The following WBP2NL variants were observed in gnomAD, a reference collection of about 807,000 sequenced individuals.
WBP2NL encodes postacrosomal sheath WW domain-binding protein.
WBP2NL carries 27 observed loss-of-function variants against 23.3 expected under a neutral mutation model. That is an observed-to-expected ratio of 1.16 (90% CI 0.85 to 1.60). The LOEUF is 1.60. WBP2NL is among the 40% of genes most tolerant of loss of function. The probability of loss-of-function intolerance (pLI) is 0.00; values close to 1 mark genes in which losing one functional copy is unlikely to be tolerated. For missense variants in WBP2NL, 370 were observed against 389.5 expected, an observed-to-expected ratio of 0.95 and a Z score of 0.42; for synonymous variants, 151 against 145.9, an observed-to-expected ratio of 1.03 and a Z score of -0.25.
At chr22:42,001,930 G>C in intron 1 of WBP2NL, 1 of 1,443,784 alleles carries the variant, frequency 6.9e-7, no homozygotes, top group Non-Finnish European at 9.2e-7. Flanking sequence ...CCACCTGCCA[G>C]GGAGTCCTTG....
At position 42,019,297 on chromosome 22, in the gene WBP2NL, C is replaced by G. The variant is rs1301629021; in HGVS notation, c.63-14C>G. The G allele has an allele frequency of 6.2e-7, 1 of 1,606,578 alleles. No homozygotes were observed. Among genetic ancestry groups the G allele is most frequent in the Admixed American group, 1.7e-5 (1 of 58,454 alleles). ...ATTCTTTATTGTGTGCCGTCTGTTCCTCATTTTCTACAGTCTCTTGAAGCG... is the reference window on the plus strand; with the variant it reads ...ATTCTTTATTGTGTGCCGTCTGTTCGTCATTTTCTACAGTCTCTTGAAGCG... On this transcript the variant is annotated splice_polypyrimidine_tract_variant and intron_variant, in intron 1 of 5. Coordinates refer to ENST00000328823, the MANE Select transcript of WBP2NL (RefSeq NM_152613.3).
intron 8 of WBP2NL, among the ~76,000 whole-genome samples, chr22:42,038,196 T>C (rs1177134018): frequency 6.6e-6 from 1 of 152,258 alleles, no homozygotes; most frequent in East Asian, 1.9e-4. Flanking sequence ...GGATGTTGAC[T>C]TTTGTCAAAT....
rs866661712 is a variant in WBP2NL, at chr22:42,055,390, A to T, written c.*274-2900A>T. Reference sequence around the variant, plus strand: ...GGGTTTCACCATGTTGGTCAGGCTGATCTGGAACTCCCGACCTCAGGTGAT... The same window carrying T: ...GGGTTTCACCATGTTGGTCAGGCTGTTCTGGAACTCCCGACCTCAGGTGAT... On this transcript the variant is annotated intron_variant and NMD_transcript_variant, in intron 8 of 8. Coordinates refer to the WBP2NL transcript ENST00000436265. Among the ~76,000 whole-genome samples the T allele has an allele frequency of 3.9e-5, 6 of 152,082 alleles. No homozygotes were observed. The South Asian group carries it at 6.2e-4, about 16-fold the overall frequency.
chr22:42,037,115 G>A (rs1421560248), downstream of WBP2NL, among the ~76,000 whole-genome samples: 1 of 141,962 alleles, frequency 7.0e-6, no homozygotes, highest in Non-Finnish European at 1.5e-5. Flanking sequence ...TATGAGATGG[G>A]GTCAGATTTC....
intron 1 of WBP2NL, 147 bp downstream of exon 1, chr22:41,999,027 C>T: frequency 4.2e-6 from 4 of 946,126 alleles, no homozygotes; most frequent in Non-Finnish European, 5.9e-6. Context: ...TTTGGGAGCG[C>T]GCGCCCCTCA....
intron 8 of WBP2NL, among the ~76,000 whole-genome samples, chr22:42,057,903 T>TA (rs1926144358): frequency 2.4e-4 from 5 of 20,434 alleles, no homozygotes; most frequent in Admixed American, 1.8e-3. Flanking sequence ...ATATATATAT[T>TA]TTTTTTTTTT....
intron 8 of WBP2NL, among the ~76,000 whole-genome samples, chr22:42,052,809 C>T (rs1003530906): frequency 2.0e-5 from 3 of 152,204 alleles, no homozygotes; most frequent in Admixed American, 6.5e-5. Flanking sequence ...TCCCAGCCTC[C>T]CTGTCTCTCA....
chr22:42,013,941 C>A (rs1397651164), intron 1 of WBP2NL, among the ~76,000 whole-genome samples: 1 of 152,102 alleles, frequency 6.6e-6, no homozygotes, highest in African/African-American at 2.4e-5. Flanking sequence ...CCACCCACGC[C>A]TGGCTATTTT....
intron 1 of WBP2NL, among the ~76,000 whole-genome samples, chr22:42,015,411 T>C (rs1322241141): frequency 1.3e-5 from 2 of 148,696 alleles, no homozygotes; most frequent in Non-Finnish European, 3.0e-5. Flanking sequence ...CATCATTTCC[T>C]TTTTTTTTTG....
At chr22:42,004,339 A>G (rs1796939103) in intron 1 of WBP2NL, among the ~76,000 whole-genome samples, 1 of 152,048 alleles carries the variant, frequency 6.6e-6, no homozygotes, top group African/African-American at 2.4e-5. Flanking sequence ...GATGCCTGTA[A>G]TCCCAGAACT....
intron 1 of WBP2NL, among the ~76,000 whole-genome samples, chr22:42,017,211 G>A (rs376284404): frequency 6.6e-6 from 1 of 152,132 alleles, no homozygotes; most frequent in East Asian, 1.9e-4. Context: ...GTGCCCCATG[G>A]CTCAAGCAAT....
At chr22:42,050,475 G>A (rs1024616578) in intron 8 of WBP2NL, among the ~76,000 whole-genome samples, 10 of 151,876 alleles carry the variant, frequency 6.6e-5, no homozygotes, top group African/African-American at 1.5e-4. Flanking sequence ...ACAAAACCCC[G>A]TCTCTACTAA....
At chr22:42,012,035 C>G (rs1008370065) in intron 1 of WBP2NL, among the ~76,000 whole-genome samples, 6 of 152,148 alleles carry the variant, frequency 3.9e-5, no homozygotes, top group Non-Finnish European at 8.8e-5. Flanking sequence ...CCTTGGCCTC[C>G]CAAAGTGCTG....
rs1235086942 is a variant in WBP2NL, at chr22:42,026,964, A to C, written c.713A>C (p.Tyr238Ser). 4 of 1,612,452 alleles carry C rather than the reference A, an allele frequency of 2.5e-6. No individual in the cohort carries two copies. The African/African-American group carries it at 5.4e-5, about 22-fold the overall frequency. ...GGATATGGAGCCCCACCTCTAGGATATGGAGCCCCACCTCTTGGATATGGA... is the reference window on the plus strand; with the variant it reads ...GGATATGGAGCCCCACCTCTAGGATCTGGAGCCCCACCTCTTGGATATGGA... ...PAGYGAPPLGYGAPPLGYGTP... is the reference protein window; with the variant it reads ...PAGYGAPPLGSGAPPLGYGTP... Residue 238 changes from tyrosine (Y) to serine (S), a missense_variant, in exon 6 of 6, where the codon TAT (tyrosine) becomes TCT (serine). By Grantham distance (144) the Tyr-to-Ser change is moderately radical. Coordinates refer to ENST00000328823, the MANE Select transcript of WBP2NL (RefSeq NM_152613.3).
chr22:42,008,121 GCTTTCCTTTCCTTTCCTTTC>G (rs1185527318), intron 1 of WBP2NL, among the ~76,000 whole-genome samples: 11 of 53,820 alleles, frequency 2.0e-4, no homozygotes, highest in African/African-American at 4.7e-4. Context: ...CCTTTCCTTT[GCTTTCCTTTCCTTTCCTTTC>G]CTTTCCTTTC....
intron 8 of WBP2NL, among the ~76,000 whole-genome samples, chr22:42,042,628 A>AT (rs571501346): frequency 3.9e-4 from 60 of 152,228 alleles, no homozygotes; most frequent in African/African-American, 1.3e-3. Context: ...ATTATTGTGA[A>AT]TTTTTTATCA....
downstream of WBP2NL, chr22:42,032,575 T>C (rs1925018063): frequency 3.4e-6 from 1 of 291,616 alleles, no homozygotes; most frequent in Non-Finnish European, 7.1e-6. Flanking sequence ...TGTATATATA[T>C]AAAATGTAGA....
At chr22:42,047,467 G>A (rs985969770) in intron 8 of WBP2NL, among the ~76,000 whole-genome samples, 1 of 151,132 alleles carries the variant, frequency 6.6e-6, no homozygotes, top group African/African-American at 2.4e-5. Flanking sequence ...TCGGGTGCCT[G>A]TAATCCCAGC....
At chr22:42,016,112 G>A (rs1923289144) in intron 1 of WBP2NL, among the ~76,000 whole-genome samples, 1 of 152,006 alleles carries the variant, frequency 6.6e-6, no homozygotes, top group East Asian at 1.9e-4. Context: ...CTCCCGAGTA[G>A]CTGGGATTAC....
Sources: gnomAD v4.1 joint callset for allele counts (sites outside exome capture counted in the v4.1 genomes callset) on GRCh38, gnomAD v4.1.1 for gene constraint, MANE v1.5 for transcripts, NCBI Gene and HGNC (gene_info 2026-07-23, HGNC 2026-07-21) for gene names.